The following GOLGB1 variants were observed in gnomAD, a reference collection of about 807,000 sequenced individuals.
GOLGB1 encodes golgin subfamily B member 1.
Under a neutral mutation model 336.9 loss-of-function variants are expected in GOLGB1, and 174 were observed. The ratio of observed to expected loss-of-function variants is 0.52; its 90% CI spans 0.46 to 0.59. GOLGB1 has a LOEUF of 0.59. Among genes scored for constraint, GOLGB1 ranks in the 20% least tolerant of loss-of-function variants. The pLI is 0.00. For synonymous variants in GOLGB1, 1,208 were observed against 1,289.2 expected, an observed-to-expected ratio of 0.94 and a Z score of 1.35; for missense variants, 3,331 against 3,645.3, an observed-to-expected ratio of 0.91 and a Z score of 2.22.
intron 7 of GOLGB1, 78 bp from the exon 8 acceptor site, chr3:121,718,579 G>T: frequency 9.8e-7 from 1 of 1,024,242 alleles, no homozygotes; most frequent in Non-Finnish European, 1.5e-6. Context: ...ATGTCATGTA[G>T]ATTTGTATAC....
chr3:121,730,667 A>G (rs992311123), intron 2 of GOLGB1, among the ~76,000 whole-genome samples: 1 of 152,214 alleles, frequency 6.6e-6, no homozygotes, highest in African/African-American at 2.4e-5. Flanking sequence ...GCCCTTTCAA[A>G]TTGTATCCAG....
At position 121,691,030 on chromosome 3, in the gene GOLGB1, T is replaced by C; in HGVS notation, c.8334A>G (p.Glu2778=). The C allele has an allele frequency of 2.5e-6, 4 of 1,613,944 alleles. No homozygotes were observed. The South Asian group carries it at 4.4e-5, about 18-fold the overall frequency. Reference sequence around the variant, plus strand: ...CTCTCTCTCTGTTTAAGAGTCCCTGTTCTTTCAACTGTGCCAATTCCTTCA... The same window carrying C: ...CTCTCTCTCTGTTTAAGAGTCCCTGCTCTTTCAACTGTGCCAATTCCTTCA... ...ASLKELAQLK[E]QGLLNRERDA... Residue 2778 remains glutamate, a synonymous_variant, in exon 14 of 22, where the codon GAA becomes GAG. Coordinates refer to ENST00000614479, the MANE Select transcript of GOLGB1 (RefSeq NM_001366282.2).
chr3:121,696,844 G>C lies in GOLGB1; in HGVS notation c.3679C>G (p.Gln1227Glu), dbSNP rs754435646. ...YNRLQEQFDE[Q>E]SKENENIGDQ... Reference sequence around the variant, plus strand: ...CCAATATTCTCATTTTCCTTGCTTTGCTCATCAAACTGTTCTTGCAAGCGA... The same window carrying C: ...CCAATATTCTCATTTTCCTTGCTTTCCTCATCAAACTGTTCTTGCAAGCGA... The change falls in exon 13 of 22, where the codon CAA (glutamine) becomes GAA (glutamate). Residue 1227 changes from glutamine to glutamate, a missense_variant. Transcript: ENST00000614479. 1.9e-6 allele frequency: 3 copies of C among 1,614,062 alleles called. No homozygotes were observed. The South Asian group carries it at 3.3e-5, about 18-fold the overall frequency.
At chr3:121,721,682 T>C (rs1576427918) in intron 6 of GOLGB1, among the ~76,000 whole-genome samples, 1 of 151,600 alleles carries the variant, frequency 6.6e-6, no homozygotes, top group Middle Eastern at 3.4e-3. Flanking sequence ...CCTAGAAAAA[T>C]AGAAAAAGTT....
At chr3:121,699,908 C>G (rs370530993) in intron 11 of GOLGB1, 23 bp from the exon 12 acceptor site, 5 of 1,415,184 alleles carry the variant, frequency 3.5e-6, no homozygotes, top group African/African-American at 1.4e-5. Flanking sequence ...AAATAAATAT[C>G]TTTAGAAGAT....
At chr3:121,703,133 A>G (rs1186960668) in intron 10 of GOLGB1, among the ~76,000 whole-genome samples, 1 of 152,230 alleles carries the variant, frequency 6.6e-6, no homozygotes, top group Admixed American at 6.5e-5. Flanking sequence ...AAGGATAGGC[A>G]TATATCTAAT....
chr3:121,735,923 G>A (rs1438131306), intron 1 of GOLGB1, among the ~76,000 whole-genome samples: 1 of 151,976 alleles, frequency 6.6e-6, no homozygotes, highest in African/African-American at 2.4e-5. Context: ...TCTAGGGTTG[G>A]GGCAGAGAGC....
rs763934475 is a variant in GOLGB1 at position 121,695,607 on chromosome 3, T to C, written c.4916A>G (p.His1639Arg). ...CTCTTGCCTCACAGCTTCCACCACATGCTGAATCCTTTCTGCTTCATTACT... is the reference window on the plus strand; with the variant it reads ...CTCTTGCCTCACAGCTTCCACCACACGCTGAATCCTTTCTGCTTCATTACT... The part of the protein sequence containing the change: ...NVSNEAERIQ[H>R]VVEAVRQEKQ... Residue 1639 changes from histidine to arginine, a missense_variant, in exon 13 of 22, where the codon CAT (histidine) becomes CGT (arginine). His to Arg is a conservative substitution (Grantham distance 29). Coordinates refer to ENST00000614479, the MANE Select transcript of GOLGB1 (RefSeq NM_001366282.2). The C allele has an allele frequency of 1.2e-6, 2 of 1,614,070 alleles. No individual in the cohort carries two copies. The highest frequency in any genetic ancestry group is 1.1e-5 in the South Asian group (1 of 91,086).
At chr3:121,732,684 C>A (rs1361124996) in intron 1 of GOLGB1, among the ~76,000 whole-genome samples, 1 of 152,138 alleles carries the variant, frequency 6.6e-6, no homozygotes, top group Non-Finnish European at 1.5e-5. Context: ...TATGAATTCA[C>A]AATAAGAATA....
In GOLGB1 at chr3:121,722,342, G is replaced by T; in HGVS notation, c.568C>A (p.Gln190Lys). Residue 190 changes from glutamine (Q) to lysine (K), a missense_variant, in exon 6 of 22, where the codon CAA (glutamine) becomes AAA (lysine). By Grantham distance (53) the Gln-to-Lys change is moderately conservative (BLOSUM62 1). Coordinates refer to ENST00000614479, the MANE Select transcript of GOLGB1 (RefSeq NM_001366282.2). ...TEMEEFVMMK[Q>K]QLQEKEEFIS... ...AATTCTTCCTTCTCCTGGAGCTGTT[G>T]CTTCATCATTACAAATTCTTCCATC... is the stretch of plus-strand genomic sequence containing the variant. 6.2e-7 allele frequency: 1 copy of T among 1,610,198 alleles called. No individual in the cohort carries two copies. The highest frequency in any genetic ancestry group is 8.5e-7 in the Non-Finnish European group (1 of 1,176,554).
At chr3:121,728,728 C>T (rs1945852625) in intron 4 of GOLGB1, among the ~76,000 whole-genome samples, 1 of 152,136 alleles carries the variant, frequency 6.6e-6, no homozygotes, top group Non-Finnish European at 1.5e-5. Context: ...CTGATTCAGC[C>T]CACATGCATG....
chr3:121,681,922 A>AAAC, intron 14 of GOLGB1, 57 bp from the exon 15 acceptor site: 1 of 1,207,152 alleles, frequency 8.3e-7, no homozygotes, highest in South Asian at 1.2e-5. Context: ...ATCTAACTGT[A>AAAC]AGTCATTGGT....
rs1942767548 is a variant in GOLGB1, at chr3:121,694,543, C to T, written c.5980G>A (p.Glu1994Lys). Residue 1994 changes from glutamate (E) to lysine (K), a missense_variant, in exon 13 of 22, where the codon GAA becomes AAA. Transcript: ENST00000614479. ...KTKVESEIRK[E>K]YLEKIQGAQK... ...GCACCTTGTATTTTCTCCAAATATT[C>T]CTTTCGTATTTCTGATTCCACCTTA... is the stretch of plus-strand genomic sequence containing the variant. 1.9e-6 allele frequency: 3 copies of T among 1,612,490 alleles called. No individual in the cohort carries two copies. The highest frequency in any genetic ancestry group is 1.7e-5 in the Admixed American group (1 of 59,962).
In GOLGB1 at chr3:121,695,572, GTTC is replaced by G. The variant is rs753830012; in HGVS notation, c.4948_4950del (p.Glu1650del). 6.2e-7 allele frequency: 1 copy of G among 1,613,992 alleles called. No homozygotes were observed. The highest frequency in any genetic ancestry group is 1.1e-5 in the South Asian group (1 of 91,072). On this transcript the variant is annotated inframe_deletion, in exon 13 of 22. Coordinates refer to ENST00000614479, the MANE Select transcript of GOLGB1 (RefSeq NM_001366282.2). ...TCTGTGCTTCTTAACTTGCCATACA[GTTC>G]TTGTTTCTCTTGCCTCACAGCTTCC...
chr3:121,716,317 A>G (rs1289914744), intron 9 of GOLGB1, among the ~76,000 whole-genome samples: 1 of 152,124 alleles, frequency 6.6e-6, no homozygotes, highest in East Asian at 1.9e-4. Flanking sequence ...AGAGATTTTC[A>G]CCTATAAGAA....
intron 17 of GOLGB1, among the ~76,000 whole-genome samples, chr3:121,676,012 G>C (rs1940326748): frequency 1.3e-5 from 2 of 152,150 alleles, no homozygotes; most frequent in African/African-American, 4.8e-5. Flanking sequence ...GAGCTGCTCT[G>C]GAGTCCCTTT....
At chr3:121,675,736 G>C (rs1040678807) in intron 17 of GOLGB1, among the ~76,000 whole-genome samples, 4 of 152,126 alleles carry the variant, frequency 2.6e-5, no homozygotes, top group African/African-American at 9.7e-5. Flanking sequence ...TTACTTTTCT[G>C]TATGTTTTAC....
At chr3:121,721,570 C>G (rs1422504706) in intron 6 of GOLGB1, among the ~76,000 whole-genome samples, 1 of 152,154 alleles carries the variant, frequency 6.6e-6, no homozygotes, top group Non-Finnish European at 1.5e-5. Context: ...GAGACTGAGG[C>G]TGCAGTGAGC....
At chr3:121,730,217 CATT>C (rs1217105777) in intron 2 of GOLGB1, 200 bp from the exon 3 acceptor site, 1 of 458,216 alleles carries the variant, frequency 2.2e-6, no homozygotes, top group East Asian at 3.5e-5. Flanking sequence ...ATTTTACAAA[CATT>C]ATCCCATTTA....
Sources: allele counts gnomAD v4.1 joint callset (sites outside exome capture counted in the v4.1 genomes callset), GRCh38; gene constraint gnomAD v4.1.1; transcripts MANE v1.5; gene names NCBI Gene and HGNC (gene_info 2026-07-23, HGNC 2026-07-21).